Variants in CSMD1 observed in about 807,000 individuals in gnomAD.
CSMD1 encodes CUB and Sushi multiple domains 1.
A neutral mutation model predicts 417.5 loss-of-function variants in CSMD1; 213 were observed. The observed-to-expected ratio is 0.51, with a 90% CI of 0.46 to 0.57. CSMD1 has a LOEUF of 0.57. CSMD1 is among the 20% of genes least tolerant of loss of function. The pLI is 0.00. For missense variants in CSMD1, 6,923 were observed against 4,529.7 expected (o/e 1.53, Z -15.17); for synonymous variants, 2,862 against 1,736.8 (o/e 1.65, Z -16.11).
chr8:3,793,613 CA>C (rs1239154378), intron 5 of CSMD1, among the ~76,000 whole-genome samples: 1 of 152,090 alleles, frequency 6.6e-6, no homozygotes, highest in African/African-American at 2.4e-5. Flanking sequence ...TAAACCTTCC[CA>C]AATGTCCCCC....
At chr8:3,900,338 G>T (rs549866810) in intron 5 of CSMD1, among the ~76,000 whole-genome samples, 1 of 151,824 alleles carries the variant, frequency 6.6e-6, no homozygotes, top group African/African-American at 2.4e-5. Context: ...ACTACAGCTG[G>T]GTGACAGTGT....
chr8:3,624,274 C>T (rs1490542284), intron 7 of CSMD1, among the ~76,000 whole-genome samples: 3 of 152,136 alleles, frequency 2.0e-5, no homozygotes, highest in African/African-American at 7.2e-5. Context: ...TAGCAAATTT[C>T]CTTCAGCTAA....
At chr8:3,863,685 C>T (rs1322971748) in intron 5 of CSMD1, among the ~76,000 whole-genome samples, 1 of 152,094 alleles carries the variant, frequency 6.6e-6, no homozygotes, top group Non-Finnish European at 1.5e-5. Context: ...CTCATATATG[C>T]TCAGTGAACA....
At chr8:4,573,624 C>G (rs1389427861) in intron 2 of CSMD1, among the ~76,000 whole-genome samples, 2 of 152,098 alleles carry the variant, frequency 1.3e-5, no homozygotes, top group African/African-American at 4.8e-5. Flanking sequence ...AGGGGGCGGT[C>G]TTTCCCTTAG....
Position 2,935,426 on chromosome 8 carries a change from T to C in CSMD1, c.*3159A>G, listed in dbSNP as rs1801386350. On this transcript the variant is annotated 3_prime_UTR_variant, in exon 70 of 70. Coordinates refer to ENST00000635120, the MANE Select transcript of CSMD1 (RefSeq NM_033225.6). Reference sequence around the variant, plus strand: ...GATTGGTGGCATTGCACAGGCTATATTACACCCTCTTTATAATTTTTTTGA... The same window carrying C: ...GATTGGTGGCATTGCACAGGCTATACTACACCCTCTTTATAATTTTTTTGA... 1 of 152,168 alleles carries C rather than the reference T, an allele frequency of 6.6e-6. No individual in the cohort carries two copies. The highest frequency in any genetic ancestry group is 1.5e-5 in the Non-Finnish European group (1 of 68,028). The allele number at this position is 152,168 out of a possible 1,614,324, so 9.4% of individuals were successfully genotyped here. A position where few individuals can be genotyped will look rare whatever the true frequency, so the allele number is the denominator to read the frequency against.
chr8:3,072,647 T>C (rs138618914), intron 49 of CSMD1, among the ~76,000 whole-genome samples: 1 of 152,294 alleles, frequency 6.6e-6, no homozygotes, highest in East Asian at 1.9e-4. Context: ...CTCCTTTTAA[T>C]AGTATCCCAA....
chr8:2,940,538 G>C (rs1364609820), intron 69 of CSMD1, among the ~76,000 whole-genome samples: 4 of 152,102 alleles, frequency 2.6e-5, no homozygotes, highest in Admixed American at 2.6e-4. Flanking sequence ...TGTAATCTGA[G>C]ATCTCTTTCC....
At chr8:3,533,753 G>C (rs933776230) in intron 10 of CSMD1, among the ~76,000 whole-genome samples, 1 of 152,086 alleles carries the variant, frequency 6.6e-6, no homozygotes, top group Non-Finnish European at 1.5e-5. Flanking sequence ...GGTGCTTGAG[G>C]CATCTCTTTT....
At chr8:4,150,940 C>A (rs1241176524) in intron 3 of CSMD1, among the ~76,000 whole-genome samples, 1 of 152,074 alleles carries the variant, frequency 6.6e-6, no homozygotes, top group Non-Finnish European at 1.5e-5. Context: ...TTACAGTCTG[C>A]AACGTCCAAA....
At chr8:4,473,189 A>T (rs1260557089) in intron 2 of CSMD1, among the ~76,000 whole-genome samples, 1 of 152,196 alleles carries the variant, frequency 6.6e-6, no homozygotes, top group Non-Finnish European at 1.5e-5. Context: ...ACCAATGACG[A>T]CTTAAAATTT....
At chr8:4,394,968 A>T (rs1320714196) in intron 3 of CSMD1, among the ~76,000 whole-genome samples, 2 of 152,166 alleles carry the variant, frequency 1.3e-5, no homozygotes, top group African/African-American at 4.8e-5. Flanking sequence ...GGAAGAGTTA[A>T]TTCACAGTTA....
intron 6 of CSMD1, among the ~76,000 whole-genome samples, chr8:3,732,935 T>A (rs1026593419): frequency 1.3e-5 from 2 of 152,144 alleles, no homozygotes; most frequent in East Asian, 3.8e-4. Context: ...TATTTATCTA[T>A]CCATTATCTA....
chr8:4,892,652 T>C (rs1169386057), intron 1 of CSMD1, among the ~76,000 whole-genome samples: 5 of 152,108 alleles, frequency 3.3e-5, no homozygotes, highest in Admixed American at 3.3e-4. Context: ...TTGAGTGTTT[T>C]CTTCTTCAGA....
chr8:3,492,635 A>G (rs1283887103), intron 11 of CSMD1, among the ~76,000 whole-genome samples: 1 of 152,236 alleles, frequency 6.6e-6, no homozygotes, highest in Non-Finnish European at 1.5e-5. Context: ...AAAATGGACA[A>G]AAACTGTCTT....
chr8:4,522,730 C>A (rs1803532475), intron 2 of CSMD1, among the ~76,000 whole-genome samples: 1 of 152,128 alleles, frequency 6.6e-6, no homozygotes, highest in African/African-American at 2.4e-5. Flanking sequence ...CCTACCCTAT[C>A]CACACGTGCC....
At chr8:4,419,514 T>G (rs183531405) in intron 3 of CSMD1, among the ~76,000 whole-genome samples, 1 of 152,136 alleles carries the variant, frequency 6.6e-6, no homozygotes. Context: ...AGCAAATTAA[T>G]TTTCTCTCTT....
chr8:4,689,108 CCCAA>C (rs1469784282), intron 1 of CSMD1, among the ~76,000 whole-genome samples: 1 of 152,152 alleles, frequency 6.6e-6, no homozygotes. Flanking sequence ...TTGTTCTCAA[CCCAA>C]CAGGTAACTT....
intron 26 of CSMD1, among the ~76,000 whole-genome samples, chr8:3,271,813 A>G (rs1371657087): frequency 2.0e-5 from 3 of 152,080 alleles, no homozygotes; most frequent in African/African-American, 4.8e-5. Context: ...TGAGTTCATT[A>G]TAGATTGTGG....
chr8:3,089,023 C>T (rs1454183351), intron 48 of CSMD1, among the ~76,000 whole-genome samples: 2 of 152,152 alleles, frequency 1.3e-5, no homozygotes, highest in Non-Finnish European at 2.9e-5. Context: ...TCACCAGCCC[C>T]TCAACATACC....
Sources: allele counts gnomAD v4.1 joint callset (sites outside exome capture counted in the v4.1 genomes callset), GRCh38; gene constraint gnomAD v4.1.1; transcripts MANE v1.5; gene names NCBI Gene and HGNC (gene_info 2026-07-23, HGNC 2026-07-21).